Variants in AHI1 observed in about 807,000 individuals in gnomAD.
The protein encoded by AHI1 is jouberin.
A neutral mutation model predicts 149.3 loss-of-function variants in AHI1; 123 were observed. The observed-to-expected ratio is 0.82, with a 90% confidence interval of 0.71 to 0.96. AHI1 has a LOEUF of 0.96. Ranked by LOEUF, AHI1 falls within the 40% of genes least tolerant of loss-of-function variation. AHI1 has a pLI of 0.00. For missense variants in AHI1, 1,439 were observed against 1,422.7 expected, an observed-to-expected ratio of 1.01 and a Z score of -0.18; for synonymous variants, 475 against 459.8, an observed-to-expected ratio of 1.03 and a Z score of -0.42.
intron 24 of AHI1, among the ~76,000 whole-genome samples, chr6:135,335,124 C>G (rs1032541537): frequency 6.6e-6 from 1 of 152,108 alleles, no homozygotes; most frequent in Non-Finnish European, 1.5e-5. Context: ...CGAAATTAAC[C>G]TACTCTTGCT....
At chr6:135,350,522 A>T (rs1791922112) in intron 24 of AHI1, among the ~76,000 whole-genome samples, 1 of 152,220 alleles carries the variant, frequency 6.6e-6, no homozygotes, top group African/African-American at 2.4e-5. Context: ...TAAGATGGAC[A>T]TAGTCCATGC....
At chr6:135,364,765 G>A (rs1013233639) in intron 23 of AHI1, among the ~76,000 whole-genome samples, 8 of 152,282 alleles carry the variant, frequency 5.3e-5, no homozygotes, top group South Asian at 2.1e-4. Context: ...GGCGGCGCAC[G>A]CCTGCAATCG....
At chr6:135,383,821 G>A (rs960343742) in intron 23 of AHI1, among the ~76,000 whole-genome samples, 5 of 152,078 alleles carry the variant, frequency 3.3e-5, no homozygotes, top group East Asian at 3.9e-4. Context: ...TAGTCATATC[G>A]TCAAACTATA....
At chr6:135,300,813 G>GA in intron 26 of AHI1, 3 of 966,864 alleles carry the variant, frequency 3.1e-6, no homozygotes, top group Non-Finnish European at 3.7e-6. Flanking sequence ...TCAGGTATGT[G>GA]ACCAAAAAAA....
intron 21 of AHI1, among the ~76,000 whole-genome samples, chr6:135,409,181 C>T (rs925707097): frequency 3.3e-5 from 5 of 152,056 alleles, no homozygotes; most frequent in Admixed American, 3.3e-4. Context: ...TTCTTTAATA[C>T]ATTTTATATA....
chr6:135,318,575 G>T lies in AHI1; in HGVS notation c.3370C>A (p.Pro1124Thr). ...ELPPEIKERS[P>T]PLSPEEKTKI... ...GTTTTTTCCTCAGGGCTTAAAGGAG[G>T]GGATCGCTCCTTTATCTCAGGAGGC... The change falls in exon 26 of 29, where the codon CCT becomes ACT. Residue 1124 changes from proline (P) to threonine (T), a missense_variant. Pro to Thr is a conservative substitution (Grantham distance 38). Transcript: ENST00000265602. 2 of 1,606,194 alleles carry T rather than the reference G, an allele frequency of 1.2e-6. No individual in the cohort carries two copies. The highest frequency in any genetic ancestry group is 1.1e-5 in the South Asian group (1 of 88,782).
intron 4 of AHI1, 53 bp from the exon 5 acceptor site, chr6:135,490,800 A>G: frequency 1.3e-6 from 2 of 1,588,500 alleles, no homozygotes; most frequent in South Asian, 2.3e-5. Flanking sequence ...ATAACACACA[A>G]CCTACACTAC....
chr6:135,326,247 T>C (rs896915246), intron 24 of AHI1, among the ~76,000 whole-genome samples: 1 of 152,122 alleles, frequency 6.6e-6, no homozygotes, highest in Non-Finnish European at 1.5e-5. Flanking sequence ...TCATGTTAAA[T>C]GAAATCATAG....
intron 4 of AHI1, among the ~76,000 whole-genome samples, chr6:135,491,051 G>A (rs940191712): frequency 6.6e-6 from 1 of 152,076 alleles, no homozygotes. Context: ...TGTGGCTTTA[G>A]ACAAGTTACT....
chr6:135,395,038 T>G (rs374788630), intron 22 of AHI1, 142 bp from the exon 23 acceptor site: 1 of 772,422 alleles, frequency 1.3e-6, no homozygotes. Flanking sequence ...CATGGTTAGT[T>G]TGTAAACTTT....
chr6:135,354,686 G>A lies in AHI1; in HGVS notation c.3165+3446C>T, dbSNP rs1380917131. Among the ~76,000 whole-genome samples the A allele has an allele frequency of 2.0e-5, 3 of 152,252 alleles. No individual in the cohort carries two copies. The East Asian group carries it at 5.8e-4, about 29-fold the overall frequency. Reference sequence around the variant, plus strand: ...ATATTATCCTTAACTTACTATAGGCGATAAGCAAGTGCAGAGGGACTAATT... The same window carrying A: ...ATATTATCCTTAACTTACTATAGGCAATAAGCAAGTGCAGAGGGACTAATT... On this transcript the variant is annotated intron_variant, in intron 24 of 28. Coordinates refer to ENST00000265602, the MANE Select transcript of AHI1 (RefSeq NM_001134831.2).
intron 26 of AHI1, chr6:135,302,894 C>A (rs2128354481): frequency 1.0e-6 from 1 of 1,001,160 alleles, no homozygotes; most frequent in Admixed American, 2.9e-5. Context: ...CGCCAAAGAA[C>A]ATGACTGCCC....
Position 135,285,549 on chromosome 6 carries a change from A to G in AHI1, c.*96T>C. 1 of 1,245,118 alleles carries G rather than the reference A, an allele frequency of 8.0e-7. No individual in the cohort carries two copies. The highest frequency in any genetic ancestry group is 1.5e-5 in the African/African-American group (1 of 66,818). 77.1% of individuals were successfully genotyped at this position (1,245,118 alleles called of 1,614,324 possible). A position where few individuals can be genotyped will look rare whatever the true frequency, so the allele number is the denominator to read the frequency against. The stretch of plus-strand genomic sequence containing the variant: ...AGTAGTGGATCCTTTCTTCCTCCTT[A>G]GTATCTGAAAATTCTGAACTCTGAA... On this transcript the variant is annotated 3_prime_UTR_variant, in exon 29 of 29. Transcript: ENST00000265602.
At chr6:135,448,593 T>G in intron 11 of AHI1, 118 bp from the exon 12 acceptor site, 2 of 825,424 alleles carry the variant, frequency 2.4e-6, no homozygotes, top group Non-Finnish European at 3.4e-6. Flanking sequence ...TGAAATTTCT[T>G]AGTTTTAAAA....
At chr6:135,295,342 T>C (rs1482363549) in intron 27 of AHI1, among the ~76,000 whole-genome samples, 1 of 152,212 alleles carries the variant, frequency 6.6e-6, no homozygotes, top group East Asian at 1.9e-4. Flanking sequence ...GGAAAACAAT[T>C]TGGCAGTTTC....
intron 23 of AHI1, among the ~76,000 whole-genome samples, chr6:135,382,834 G>C (rs566900312): frequency 7.4e-6 from 1 of 135,590 alleles, no homozygotes; most frequent in Non-Finnish European, 1.5e-5. Context: ...TCCCCCAGAG[G>C]AGGAAACATG....
At chr6:135,492,156 T>C in intron 4 of AHI1, 72 bp downstream of exon 4, 1 of 1,253,834 alleles carries the variant, frequency 8.0e-7, no homozygotes, top group Admixed American at 2.3e-5. Flanking sequence ...CAAGAATCCC[T>C]TAAAATAAAC....
At chr6:135,481,921 G>T (rs1793715612) in intron 5 of AHI1, among the ~76,000 whole-genome samples, 1 of 150,264 alleles carries the variant, frequency 6.7e-6, no homozygotes, top group Non-Finnish European at 1.5e-5. Flanking sequence ...TTGTCTTTTA[G>T]CTAGAATAGT....
chr6:135,480,442 A>T (rs558399846), intron 5 of AHI1, among the ~76,000 whole-genome samples: 37 of 152,046 alleles, frequency 2.4e-4, no homozygotes, highest in African/African-American at 8.9e-4. Flanking sequence ...TGAGTGACAG[A>T]GCAAGACCCT....
Sources: gnomAD v4.1 joint callset for allele counts (sites outside exome capture counted in the v4.1 genomes callset) on GRCh38, gnomAD v4.1.1 for gene constraint, MANE v1.5 for transcripts, NCBI Gene and HGNC (gene_info 2026-07-23, HGNC 2026-07-21) for gene names.